The following NOL4L variants were observed in gnomAD, a reference collection of about 807,000 sequenced individuals.
NOL4L encodes the protein nucleolar protein 4 like.
In NOL4L, 7 loss-of-function variants were observed where a neutral mutation model predicts 64.5. That is an observed-to-expected ratio of 0.11 (90% CI 0.06 to 0.20). The LOEUF is 0.20. Among genes scored for constraint, NOL4L ranks in the 10% least tolerant of loss-of-function variants. The pLI, the probability that NOL4L is intolerant of heterozygous loss-of-function variation, is 1.00. For missense variants in NOL4L, 680 were observed against 967.1 expected, an observed-to-expected ratio of 0.70 and a Z score of 3.94; for synonymous variants, 413 against 401.0, an observed-to-expected ratio of 1.03 and a Z score of -0.36.
At chr20:32,511,602 A>ACAT (rs138341522) in intron 3 of NOL4L, 146 bp from the exon 4 acceptor site, 13,518 of 546,612 alleles carry the variant, frequency 0.025, 256 homozygotes, top group Non-Finnish European at 0.033. Context: ...TGGCTCACCC[A>ACAT]CATCTGGCCC....
chr20:32,487,515 T>C (rs1322247901), intron 4 of NOL4L, among the ~76,000 whole-genome samples: 1 of 151,736 alleles, frequency 6.6e-6, no homozygotes, highest in Admixed American at 6.6e-5. Context: ...CTGGGGGCAC[T>C]GTCTTCCAGG....
At chr20:32,535,987 G>C (rs1329715634) in intron 1 of NOL4L, 3 of 985,434 alleles carry the variant, frequency 3.0e-6, no homozygotes, top group Non-Finnish European at 3.6e-6. Flanking sequence ...TAGAGGTGAA[G>C]TCACAGGCCT....
chr20:32,491,868 C>G (rs1308949790), intron 4 of NOL4L, among the ~76,000 whole-genome samples: 1 of 152,190 alleles, frequency 6.6e-6, no homozygotes, highest in Non-Finnish European at 1.5e-5. Flanking sequence ...ATAATCCCAG[C>G]ACTTTGGGAG....
At chr20:32,462,465 G>A (rs1295364476) in intron 5 of NOL4L, among the ~76,000 whole-genome samples, 1 of 152,180 alleles carries the variant, frequency 6.6e-6, no homozygotes, top group Non-Finnish European at 1.5e-5. Context: ...CCCACAGAAG[G>A]GGCTGGCTGC....
intron 1 of NOL4L, among the ~76,000 whole-genome samples, chr20:32,557,563 G>A (rs1200725572): frequency 1.3e-5 from 2 of 152,162 alleles, no homozygotes; most frequent in East Asian, 1.9e-4. Context: ...CATGCAAGCC[G>A]TTAATGGTGG....
intron 1 of NOL4L, among the ~76,000 whole-genome samples, chr20:32,539,046 G>A (rs927199795): frequency 1.3e-5 from 2 of 152,076 alleles, no homozygotes; most frequent in Admixed American, 6.5e-5. Context: ...GGTGGGGGGC[G>A]GCACAGAGTG....
At chr20:32,545,707 T>C (rs2018722752) in intron 1 of NOL4L, among the ~76,000 whole-genome samples, 1 of 152,234 alleles carries the variant, frequency 6.6e-6, no homozygotes, top group African/African-American at 2.4e-5. Flanking sequence ...GCAAGTTCTG[T>C]TGGCTCCACC....
Position 32,456,147 on chromosome 20 carries a change from C to T in NOL4L, c.1090G>A (p.Val364Ile), listed in dbSNP as rs769084377. 8.1e-5 allele frequency: 126 copies of T among 1,557,300 alleles called. No individual in the cohort carries two copies. Among genetic ancestry groups the T allele is most frequent in the Middle Eastern group, 1.7e-4 (1 of 5,824 alleles). The change falls in exon 6 of 11, where the codon GTC becomes ATC. Residue 364 changes from valine to isoleucine, a missense_variant. Val to Ile is a conservative substitution (Grantham distance 29). Coordinates refer to ENST00000621426, the MANE Select transcript of NOL4L (RefSeq NM_001256798.2). The stretch of plus-strand genomic sequence containing the variant: ...GGGGTGGTCTTCACCCCGTATTTGA[C>T]GCGGCTCCGCAGCCCGTCGGCACCG... ...GCGADGLRSR[V>I]KYGVKTTPES...
chr20:32,446,794 G>C lies in NOL4L; in HGVS notation c.*802C>G, dbSNP rs952011720. ...CATCCTGGAAAAAGCCCACGCTGGA[G>C]TGTGAGGTAGAATACAGGTGACCAT... On this transcript the variant is annotated 3_prime_UTR_variant, in exon 11 of 11. Coordinates refer to ENST00000621426, the MANE Select transcript of NOL4L (RefSeq NM_001256798.2). The C allele has an allele frequency of 5.0e-5, 9 of 181,494 alleles. No homozygotes were observed. The highest frequency in any genetic ancestry group is 1.0e-4 in the Non-Finnish European group (9 of 85,788). 11.2% of individuals were successfully genotyped at this position (181,494 alleles called of 1,614,324 possible).
chr20:32,533,113 C>T (rs1236294634), intron 1 of NOL4L, among the ~76,000 whole-genome samples: 1 of 152,134 alleles, frequency 6.6e-6, no homozygotes, highest in Non-Finnish European at 1.5e-5. Flanking sequence ...CAGCAAGACC[C>T]ATCTCTAAAA....
rs1763874471 is a variant in NOL4L at position 32,464,718 on chromosome 20, G to A, written c.842-8323C>T. 1 of 278,220 alleles carries A rather than the reference G, an allele frequency of 3.6e-6. No individual in the cohort carries two copies. 17.2% of individuals were successfully genotyped at this position (278,220 alleles called of 1,614,324 possible). On this transcript the variant is annotated intron_variant, in intron 5 of 10. Coordinates refer to ENST00000621426, the MANE Select transcript of NOL4L (RefSeq NM_001256798.2). This position sits in a 1 kb window ranked among gnomAD's most constrained non-coding sequence, Gnocchi z 5.6. ...GTCCGACAGAAACAGAGTGGGAGCC[G>A]CATGAGGGATTTGAGTGCCCTAGTA... is the stretch of plus-strand genomic sequence containing the variant.
At chr20:32,481,861 G>A (rs1161702174) in intron 4 of NOL4L, among the ~76,000 whole-genome samples, 1 of 150,900 alleles carries the variant, frequency 6.6e-6, no homozygotes, top group African/African-American at 2.4e-5. Flanking sequence ...CAAGACAGGG[G>A]CCTGGTCCCA....
chr20:32,495,458 G>A (rs955500437), intron 4 of NOL4L, among the ~76,000 whole-genome samples: 1 of 152,180 alleles, frequency 6.6e-6, no homozygotes, highest in Non-Finnish European at 1.5e-5. Context: ...ATGGGCTGCT[G>A]GGGACGAAAG....
At chr20:32,449,671 C>G (rs1447264580) in intron 10 of NOL4L, 1 of 152,252 alleles carries the variant, frequency 6.6e-6, no homozygotes, top group African/African-American at 2.4e-5. Flanking sequence ...CTGGAAACAG[C>G]AGCCAAACAG....
At chr20:32,468,229 C>A (rs914714891) in intron 5 of NOL4L, among the ~76,000 whole-genome samples, 1 of 152,168 alleles carries the variant, frequency 6.6e-6, no homozygotes, top group Non-Finnish European at 1.5e-5. Flanking sequence ...TTGGGCCCGA[C>A]CACTCCATCC....
chr20:32,552,773 C>T (rs376348978), intron 1 of NOL4L, among the ~76,000 whole-genome samples: 2 of 152,194 alleles, frequency 1.3e-5, no homozygotes, highest in Non-Finnish European at 2.9e-5. Context: ...GAGGCCAAGA[C>T]GGGCAGATTG....
At chr20:32,454,353 T>C (rs1235035838) in intron 6 of NOL4L, among the ~76,000 whole-genome samples, 1 of 152,194 alleles carries the variant, frequency 6.6e-6, no homozygotes, top group Non-Finnish European at 1.5e-5. Flanking sequence ...GGACTTCTCC[T>C]GTCTGCCCCC....
intron 4 of NOL4L, among the ~76,000 whole-genome samples, chr20:32,509,054 C>T (rs1464810399): frequency 1.3e-5 from 2 of 152,172 alleles, no homozygotes; most frequent in Non-Finnish European, 2.9e-5. Context: ...TTCTGAGGCA[C>T]AGCTTCCCTG....
intron 1 of NOL4L, among the ~76,000 whole-genome samples, chr20:32,559,881 TGCCGCCCACGCGGCCTCCCTGA>T (rs1978895149): frequency 1.3e-5 from 2 of 152,314 alleles, no homozygotes; most frequent in East Asian, 1.9e-4. Context: ...GCCCAGGCCC[TGCCGCCCACGCGGCCTCCCTGA>T]GCCGCCAGCA....
Sources: allele counts gnomAD v4.1 joint callset (sites outside exome capture counted in the v4.1 genomes callset), GRCh38; gene constraint gnomAD v4.1.1; non-coding constraint Gnocchi (gnomAD v3.1); transcripts MANE v1.5; gene names NCBI Gene and HGNC (gene_info 2026-07-23, HGNC 2026-07-21).